Variants in GALNT17 observed in about 807,000 individuals in gnomAD.
The protein encoded by GALNT17 is UDP-GalNAc:polypeptide N-acetylgalactosaminyltransferase-like 3.
A neutral mutation model predicts 63.7 loss-of-function variants in GALNT17; 29 were observed. The ratio of observed to expected loss-of-function variants is 0.46; its 90% CI spans 0.34 to 0.62. GALNT17 has a LOEUF of 0.62. GALNT17 is among the 20% of genes least tolerant of loss of function. The pLI is 0.01. For synonymous variants in GALNT17, 305 were observed against 318.3 expected, an observed-to-expected ratio of 0.96 and a Z score of 0.45; for missense variants, 603 against 799.6, an observed-to-expected ratio of 0.75 and a Z score of 2.97.
intron 5 of GALNT17, among the ~76,000 whole-genome samples, chr7:71,460,860 A>C (rs1432664887): frequency 1.3e-5 from 2 of 152,082 alleles, no homozygotes; most frequent in Admixed American, 6.5e-5. Flanking sequence ...GGATGACCAG[A>C]GGTCACTCCC....
intron 1 of GALNT17, among the ~76,000 whole-genome samples, chr7:71,198,392 C>G (rs1270739347): frequency 6.6e-6 from 1 of 152,160 alleles, no homozygotes; most frequent in Admixed American, 6.5e-5. Context: ...CCTTCAGTTT[C>G]TTGGCATCAT....
intron 5 of GALNT17, among the ~76,000 whole-genome samples, chr7:71,448,124 T>G (rs564367985): frequency 1.3e-5 from 2 of 152,364 alleles, no homozygotes; most frequent in Non-Finnish European, 2.9e-5. Flanking sequence ...AAGACAATAT[T>G]CCATTGTCTT....
At chr7:71,429,154 A>G (rs1037600982) in intron 5 of GALNT17, among the ~76,000 whole-genome samples, 1 of 152,234 alleles carries the variant, frequency 6.6e-6, no homozygotes, top group African/African-American at 2.4e-5. Flanking sequence ...TGTGGACACG[A>G]AGAGCCCTGT....
At chr7:71,450,491 G>T (rs556030441) in intron 5 of GALNT17, among the ~76,000 whole-genome samples, 1 of 152,228 alleles carries the variant, frequency 6.6e-6, no homozygotes, top group Non-Finnish European at 1.5e-5. Flanking sequence ...TCTTTTGTGT[G>T]TGCATGTGCT....
intron 6 of GALNT17, among the ~76,000 whole-genome samples, chr7:71,656,022 G>T (rs76115038): frequency 1.3e-5 from 2 of 151,640 alleles, no homozygotes; most frequent in Non-Finnish European, 2.9e-5. Flanking sequence ...AGACAATTTC[G>T]CTGCTTACTC....
intron 6 of GALNT17, among the ~76,000 whole-genome samples, chr7:71,646,575 G>T (rs1414969587): frequency 6.6e-6 from 1 of 152,132 alleles, no homozygotes; most frequent in African/African-American, 2.4e-5. Flanking sequence ...GTAGTTCCTT[G>T]CATGCATAAG....
intron 1 of GALNT17, among the ~76,000 whole-genome samples, chr7:71,298,083 C>G (rs908560753): frequency 2.6e-5 from 4 of 152,278 alleles, no homozygotes; most frequent in Admixed American, 2.6e-4. Flanking sequence ...TGCAGAGGCA[C>G]AATCTTGGCT....
At chr7:71,189,891 A>G (rs1291835372) in intron 1 of GALNT17, among the ~76,000 whole-genome samples, 1 of 150,588 alleles carries the variant, frequency 6.6e-6, no homozygotes, top group African/African-American at 2.4e-5. Context: ...GCTCACTGCA[A>G]CCTCTGCCTC....
At chr7:71,671,797 G>A (rs551805420) in intron 8 of GALNT17, among the ~76,000 whole-genome samples, 3 of 152,274 alleles carry the variant, frequency 2.0e-5, no homozygotes, top group African/African-American at 2.4e-5. Context: ...AGGCCAAGGC[G>A]GGTGATCACT....
intron 5 of GALNT17, among the ~76,000 whole-genome samples, chr7:71,422,417 C>A (rs543581709): frequency 1.3e-5 from 2 of 152,350 alleles, no homozygotes; most frequent in African/African-American, 4.8e-5. Context: ...CTGCAAAGTT[C>A]TTTTCCTAAA....
chr7:71,177,181 C>T (rs1490114500), intron 1 of GALNT17, among the ~76,000 whole-genome samples: 5 of 152,132 alleles, frequency 3.3e-5, no homozygotes, highest in Non-Finnish European at 7.4e-5. Context: ...TTTACAGACA[C>T]TGATCTCTCT....
intron 5 of GALNT17, among the ~76,000 whole-genome samples, chr7:71,557,804 G>A (rs919073144): frequency 6.6e-6 from 1 of 150,666 alleles, no homozygotes; most frequent in African/African-American, 2.4e-5. Context: ...CGGGCGCAGT[G>A]GCTCACATCT....
chr7:71,237,607 C>A (rs1242671788), intron 1 of GALNT17, among the ~76,000 whole-genome samples: 1 of 151,836 alleles, frequency 6.6e-6, no homozygotes, highest in Non-Finnish European at 1.5e-5. Flanking sequence ...ACTGCTTGAG[C>A]CCAGGAGCTT....
At chr7:71,259,357 A>C (rs1248161987) in intron 1 of GALNT17, among the ~76,000 whole-genome samples, 1 of 152,198 alleles carries the variant, frequency 6.6e-6, no homozygotes, top group African/African-American at 2.4e-5. Flanking sequence ...AATCAATTAT[A>C]TTCTACTTGA....
intron 5 of GALNT17, among the ~76,000 whole-genome samples, chr7:71,560,674 A>ATTTC (rs1432954249): frequency 1.3e-5 from 2 of 152,190 alleles, no homozygotes; most frequent in Non-Finnish European, 2.9e-5. Flanking sequence ...GTCATGAGAA[A>ATTTC]GTTCACTTGA....
intron 6 of GALNT17, among the ~76,000 whole-genome samples, chr7:71,605,873 C>A (rs539583610): frequency 6.6e-6 from 1 of 152,184 alleles, no homozygotes; most frequent in East Asian, 1.9e-4. Flanking sequence ...TGAGGCTTAC[C>A]CATTTGATTG....
rs182601979 is a variant in GALNT17 at position 71,306,772 on chromosome 7, A to G, written c.239-28778A>G. On this transcript the variant is annotated intron_variant, in intron 1 of 10. Transcript: ENST00000333538. ...ACTGACTATTGCAAATAGTGCTACTATGAGCATGAGTGTGCAAATATCTGT... is the reference window on the plus strand; with the variant it reads ...ACTGACTATTGCAAATAGTGCTACTGTGAGCATGAGTGTGCAAATATCTGT... 6.6e-5 allele frequency among the ~76,000 whole-genome samples: 10 copies of G among 152,314 alleles called. No homozygotes were observed. In the East Asian group the frequency reaches 1.9e-3, roughly 29 times the overall value.
At chr7:71,430,055 C>G (rs138746323) in intron 5 of GALNT17, among the ~76,000 whole-genome samples, 4,953 of 152,132 alleles carry the variant, frequency 0.033, 118 homozygotes, top group South Asian at 0.11. Flanking sequence ...CTATGTTGCC[C>G]AGGCTGGTCT....
intron 9 of GALNT17, among the ~76,000 whole-genome samples, chr7:71,703,598 G>T (rs145565735): frequency 6.6e-6 from 1 of 152,154 alleles, no homozygotes; most frequent in East Asian, 1.9e-4. Context: ...CACTCAAACC[G>T]CATCACCTGA....
Sources: gnomAD v4.1 joint callset for allele counts (sites outside exome capture counted in the v4.1 genomes callset) on GRCh38, gnomAD v4.1.1 for gene constraint, MANE v1.5 for transcripts, NCBI Gene and HGNC (gene_info 2026-07-23, HGNC 2026-07-21) for gene names.